Variants in CCDC85A observed in about 807,000 individuals in gnomAD.
CCDC85A encodes coiled-coil domain containing 85A.
Under a neutral mutation model 50.2 loss-of-function variants are expected in CCDC85A, and 38 were observed. The ratio of observed to expected loss-of-function variants is 0.76; its 90% confidence interval spans 0.58 to 0.99. The LOEUF (loss-of-function observed/expected upper bound fraction) is 0.99. Ranked by LOEUF, CCDC85A falls within the 50% of genes least tolerant of loss-of-function variation. The pLI is 0.00. For missense variants in CCDC85A, 820 were observed against 742.0 expected (o/e 1.11, Z -1.22); for synonymous variants, 366 against 301.4 (o/e 1.21, Z -2.22).
intron 2 of CCDC85A, among the ~76,000 whole-genome samples, chr2:56,257,049 A>C (rs978498056): frequency 5.3e-5 from 8 of 152,234 alleles, no homozygotes; most frequent in African/African-American, 1.9e-4. Context: ...CATGAATGTC[A>C]ATAAACTCAC....
At chr2:56,338,747 T>C (rs1056490205) in intron 2 of CCDC85A, among the ~76,000 whole-genome samples, 8 of 152,166 alleles carry the variant, frequency 5.3e-5, no homozygotes, top group Non-Finnish European at 1.0e-4. Flanking sequence ...TTCTTCTTTT[T>C]TTCTCATGTC....
At chr2:56,294,608 C>T (rs1200553122) in intron 2 of CCDC85A, among the ~76,000 whole-genome samples, 1 of 152,122 alleles carries the variant, frequency 6.6e-6, no homozygotes, top group Non-Finnish European at 1.5e-5. Flanking sequence ...TCAGAGTTGA[C>T]AATTTGATTC....
chr2:56,299,164 G>A (rs954106277), intron 2 of CCDC85A, among the ~76,000 whole-genome samples: 2 of 152,152 alleles, frequency 1.3e-5, no homozygotes, highest in Non-Finnish European at 2.9e-5. Context: ...GAAGAGTAAA[G>A]GCTACACAGG....
intron 2 of CCDC85A, among the ~76,000 whole-genome samples, chr2:56,206,644 C>A (rs1395352467): frequency 6.6e-6 from 1 of 152,158 alleles, no homozygotes; most frequent in East Asian, 1.9e-4. Context: ...GAAGGCAGAA[C>A]CCTCATGACC....
chr2:56,240,723 T>A (rs536107879), intron 2 of CCDC85A, among the ~76,000 whole-genome samples: 1 of 152,336 alleles, frequency 6.6e-6, no homozygotes, highest in South Asian at 2.1e-4. Flanking sequence ...TCGCTGTCAG[T>A]ATTTTATTTT....
At chr2:56,342,217 C>T (rs1217559535) in intron 2 of CCDC85A, among the ~76,000 whole-genome samples, 1 of 149,584 alleles carries the variant, frequency 6.7e-6, no homozygotes, top group African/African-American at 2.5e-5. Context: ...TTAAATTGAC[C>T]TCAATACACT....
At chr2:56,340,047 C>T (rs1413866069) in intron 2 of CCDC85A, among the ~76,000 whole-genome samples, 1 of 152,146 alleles carries the variant, frequency 6.6e-6, no homozygotes, top group Non-Finnish European at 1.5e-5. Context: ...AGCTAATTGT[C>T]TCCAATGGTG....
chr2:56,355,785 A>G lies in CCDC85A; in HGVS notation c.1317+12830A>G, dbSNP rs1401357523. ...AGTGTCAATCTGACTTAAATGTAGT[A>G]TAGCAAGTAAAGGAATTGGGTATTG... On this transcript the variant is annotated intron_variant, in intron 3 of 5. Transcript: ENST00000407595. Among the ~76,000 whole-genome samples the G allele has an allele frequency of 2.0e-5, 3 of 152,352 alleles. No individual in the cohort carries two copies. The East Asian group carries it at 5.8e-4, about 29-fold the overall frequency.
intron 2 of CCDC85A, among the ~76,000 whole-genome samples, chr2:56,204,875 A>T (rs1676899979): frequency 1.3e-5 from 2 of 152,194 alleles, no homozygotes; most frequent in South Asian, 4.1e-4. Context: ...TCTTTGAAGC[A>T]CCACAGTGAT....
At chr2:56,331,767 C>T (rs1253339867) in intron 2 of CCDC85A, among the ~76,000 whole-genome samples, 1 of 152,194 alleles carries the variant, frequency 6.6e-6, no homozygotes, top group Non-Finnish European at 1.5e-5. Flanking sequence ...AGTAAAAGAA[C>T]AGCACTCGTG....
chr2:56,248,787 G>A (rs1339645611), intron 2 of CCDC85A, among the ~76,000 whole-genome samples: 5 of 152,152 alleles, frequency 3.3e-5, no homozygotes, highest in East Asian at 1.9e-4. Context: ...GTCTGAACTG[G>A]GTTTCATTAG....
At chr2:56,240,144 A>G (rs1281960437) in intron 2 of CCDC85A, among the ~76,000 whole-genome samples, 1 of 152,192 alleles carries the variant, frequency 6.6e-6, no homozygotes, top group African/African-American at 2.4e-5. Flanking sequence ...AAAAAGAGAC[A>G]TCATACCTAT....
chr2:56,198,684 C>G (rs1676621986), intron 2 of CCDC85A, among the ~76,000 whole-genome samples: 1 of 152,144 alleles, frequency 6.6e-6, no homozygotes, highest in African/African-American at 2.4e-5. Context: ...AAGGTATTTT[C>G]TAGTACAGTG....
intron 2 of CCDC85A, among the ~76,000 whole-genome samples, chr2:56,321,597 A>C (rs906524629): frequency 1.3e-5 from 2 of 152,188 alleles, no homozygotes; most frequent in African/African-American, 2.4e-5. Flanking sequence ...GATATGAAGG[A>C]CGTTTTCAAG....
intron 2 of CCDC85A, among the ~76,000 whole-genome samples, chr2:56,324,621 T>A (rs901854034): frequency 2.6e-5 from 4 of 152,130 alleles, no homozygotes; most frequent in Non-Finnish European, 4.4e-5. Context: ...AAAATAATTT[T>A]AATGTGTTCT....
chr2:56,308,227 G>T (rs1367764339), intron 2 of CCDC85A, among the ~76,000 whole-genome samples: 1 of 152,104 alleles, frequency 6.6e-6, no homozygotes, highest in Admixed American at 6.6e-5. Context: ...AAATATTTCT[G>T]TTCTGAAACC....
chr2:56,318,512 T>G (rs1673019755), intron 2 of CCDC85A, among the ~76,000 whole-genome samples: 1 of 152,256 alleles, frequency 6.6e-6, no homozygotes. Flanking sequence ...TATTTTTGTT[T>G]ATTTTCTTGT....
At chr2:56,239,341 T>G (rs1220705110) in intron 2 of CCDC85A, among the ~76,000 whole-genome samples, 1 of 152,060 alleles carries the variant, frequency 6.6e-6, no homozygotes, top group Non-Finnish European at 1.5e-5. Context: ...CAAGGAGAGA[T>G]GGCATAAAGT....
intron 2 of CCDC85A, among the ~76,000 whole-genome samples, chr2:56,240,615 A>G (rs1167012159): frequency 6.6e-6 from 1 of 152,136 alleles, no homozygotes; most frequent in Non-Finnish European, 1.5e-5. Flanking sequence ...TATTCTGGAC[A>G]TATCATACAA....
Sources: gnomAD v4.1 joint callset for allele counts (sites outside exome capture counted in the v4.1 genomes callset) on GRCh38, gnomAD v4.1.1 for gene constraint, MANE v1.5 for transcripts, NCBI Gene and HGNC (gene_info 2026-07-23, HGNC 2026-07-21) for gene names.